USH2A: variants seen among roughly 807,000 people sequenced by gnomAD.
USH2A encodes the protein usherin.
In USH2A, 443 loss-of-function variants were observed where a neutral mutation model predicts 538.9. That is an observed-to-expected ratio of 0.82 (90% confidence interval 0.76 to 0.89). The LOEUF (loss-of-function observed/expected upper bound fraction) is 0.89. USH2A is among the 40% of genes least tolerant of loss of function. USH2A has a pLI of 0.00. For synonymous variants in USH2A, 2,413 were observed against 2,273.5 expected (o/e 1.06, Z -1.75); for missense variants, 6,633 against 6,324.8 (o/e 1.05, Z -1.65).
chr1:216,157,704 T>G (rs1312714252), intron 21 of USH2A, among the ~76,000 whole-genome samples: 1 of 152,172 alleles, frequency 6.6e-6, no homozygotes, highest in African/African-American at 2.4e-5. Context: ...TCTAAGTGAA[T>G]TAATGCTGGA....
chr1:215,972,526 C>T (rs143092512), intron 35 of USH2A, among the ~76,000 whole-genome samples: 64 of 152,238 alleles, frequency 4.2e-4, no homozygotes, highest in Admixed American at 1.2e-3. Context: ...TGAGAACAAC[C>T]TACTTGTATA....
At chr1:215,862,063 C>A (rs12086224) in intron 44 of USH2A, among the ~76,000 whole-genome samples, 2 of 152,100 alleles carry the variant, frequency 1.3e-5, no homozygotes, top group East Asian at 3.9e-4. Flanking sequence ...TGGTCTCGAT[C>A]TCCTGACCTC....
chr1:216,345,523 C>T (rs974311456), intron 4 of USH2A, among the ~76,000 whole-genome samples: 2 of 152,140 alleles, frequency 1.3e-5, no homozygotes, highest in Admixed American at 6.6e-5. Flanking sequence ...GACTTCTGTC[C>T]TCTCTCTTTC....
At chr1:215,767,429 CA>C (rs1397164779) in intron 55 of USH2A, among the ~76,000 whole-genome samples, 1 of 152,126 alleles carries the variant, frequency 6.6e-6, no homozygotes, top group Non-Finnish European at 1.5e-5. Flanking sequence ...TAACGCTAAC[CA>C]ACACTTTTGT....
At position 216,247,098 on chromosome 1, in the gene USH2A, A is replaced by G. The variant is rs368687374; in HGVS notation, c.2296T>C (p.Cys766Arg). Residue 766 changes from cysteine to arginine, a missense_variant, in exon 13 of 72, where the codon TGT (cysteine) becomes CGT (arginine). Physicochemically the swap from Cys to Arg is radical, Grantham distance 180. Coordinates refer to ENST00000307340, the MANE Select transcript of USH2A (RefSeq NM_206933.4). ...CCTTTGGCTTCTTTTTTGCACTCACACTGCCCAGAGTGAGGATTGCAGAAT... is the reference window on the plus strand; with the variant it reads ...CCTTTGGCTTCTTTTTTGCACTCACGCTGCCCAGAGTGAGGATTGCAGAAT... ...NKFCNPHSGQ[C>R]ECKKEAKGLQ... is the part of the protein sequence containing the mutation. The G allele has an allele frequency of 3.5e-5, 57 of 1,613,876 alleles. No homozygotes were observed. The highest frequency in any genetic ancestry group is 4.6e-5 in the Non-Finnish European group (54 of 1,179,954).
chr1:216,330,903 G>T (rs114726772), intron 4 of USH2A, among the ~76,000 whole-genome samples: 1 of 151,968 alleles, frequency 6.6e-6, no homozygotes, highest in Non-Finnish European at 1.5e-5. Flanking sequence ...TGATAAATTA[G>T]AATTCACTCC....
At chr1:215,768,318 A>C (rs1288880184) in intron 55 of USH2A, among the ~76,000 whole-genome samples, 1 of 152,226 alleles carries the variant, frequency 6.6e-6, no homozygotes, top group Non-Finnish European at 1.5e-5. Flanking sequence ...TATCCTTAGG[A>C]TTGTGACAGG....
intron 40 of USH2A, among the ~76,000 whole-genome samples, chr1:215,898,861 C>T (rs1051768950): frequency 6.6e-6 from 1 of 152,142 alleles, no homozygotes; most frequent in African/African-American, 2.4e-5. Context: ...TGAATTAATG[C>T]TTTCTGGACT....
intron 32 of USH2A, among the ~76,000 whole-genome samples, chr1:216,008,836 G>A (rs2102490169): frequency 6.6e-6 from 1 of 152,150 alleles, no homozygotes; most frequent in Non-Finnish European, 1.5e-5. Flanking sequence ...AAGGAGACAT[G>A]TTTCATCCGT....
chr1:215,763,433 T>G (rs1661037008), intron 56 of USH2A, among the ~76,000 whole-genome samples: 1 of 151,956 alleles, frequency 6.6e-6, no homozygotes, highest in South Asian at 2.1e-4. Flanking sequence ...AAGGTGAGCG[T>G]TAACTGAGTG....
chr1:215,973,479 G>T (rs1001283930), intron 35 of USH2A, among the ~76,000 whole-genome samples: 1 of 151,972 alleles, frequency 6.6e-6, no homozygotes. Context: ...GGACACCAAA[G>T]ACTACATTCT....
At chr1:215,944,553 T>C (rs1344961370) in intron 37 of USH2A, among the ~76,000 whole-genome samples, 1 of 152,140 alleles carries the variant, frequency 6.6e-6, no homozygotes, top group African/African-American at 2.4e-5. Flanking sequence ...TCAGCATTAA[T>C]AAATGCAAAT....
intron 9 of USH2A, among the ~76,000 whole-genome samples, chr1:216,321,223 G>A (rs909186161): frequency 2.6e-5 from 4 of 151,996 alleles, no homozygotes; most frequent in East Asian, 1.9e-4. Context: ...CTGCTGAACC[G>A]TCTTTCATAT....
intron 60 of USH2A, among the ~76,000 whole-genome samples, chr1:215,737,537 C>A (rs1157176961): frequency 6.6e-6 from 1 of 151,750 alleles, no homozygotes; most frequent in Admixed American, 6.6e-5. Flanking sequence ...ATATTTTACT[C>A]TTTTCTTTGT....
At chr1:216,371,255 C>T (rs937959942) in intron 3 of USH2A, among the ~76,000 whole-genome samples, 1 of 152,170 alleles carries the variant, frequency 6.6e-6, no homozygotes, top group African/African-American at 2.4e-5. Flanking sequence ...AGAAGGATGT[C>T]ATTCCTCTCC....
At chr1:216,109,959 A>T (rs1197749048) in intron 21 of USH2A, among the ~76,000 whole-genome samples, 1 of 152,130 alleles carries the variant, frequency 6.6e-6, no homozygotes, top group Non-Finnish European at 1.5e-5. Flanking sequence ...TAAATTCTGA[A>T]TCTTTCTTAA....
chr1:215,921,526 C>T (rs1253612270), intron 38 of USH2A, among the ~76,000 whole-genome samples: 1 of 151,980 alleles, frequency 6.6e-6, no homozygotes, highest in Admixed American at 6.6e-5. Flanking sequence ...TTATATTTGA[C>T]CCTACTATAG....
At chr1:216,355,247 G>C (rs2038361138) in intron 4 of USH2A, among the ~76,000 whole-genome samples, 1 of 151,094 alleles carries the variant, frequency 6.6e-6, no homozygotes, top group South Asian at 2.1e-4. Context: ...ATGTTGCAGT[G>C]AGCCAAGATC....
At position 215,766,744 on chromosome 1, in the gene USH2A, T is replaced by G; in HGVS notation, c.10984A>C (p.Thr3662Pro). Residue 3662 changes from threonine to proline, a missense_variant, in exon 56 of 72, where the codon ACA becomes CCA. Thr to Pro is a conservative substitution (Grantham distance 38, BLOSUM62 -1). Transcript: ENST00000307340. ...TCGCTTGAAGTGCACCCAGCAGATG[T>G]ACAAGCTGTAAGAGTGAAGCTGTAG... ...TNYSFTLTAC[T>P]SAGCTSSEPF... The G allele has an allele frequency of 6.2e-7, 1 of 1,613,624 alleles. No homozygotes were observed.
Sources: allele counts gnomAD v4.1 joint callset (sites outside exome capture counted in the v4.1 genomes callset), GRCh38; gene constraint gnomAD v4.1.1; transcripts MANE v1.5; gene names NCBI Gene and HGNC (gene_info 2026-07-23, HGNC 2026-07-21).